The following UMAD1 variants were observed in gnomAD, a reference collection of about 807,000 sequenced individuals.
UMAD1 encodes UBAP1-MVB12-associated (UMA) domain containing 1, also known as UBAP1-MVB12-associated (UMA)-domain containing protein 1.
Under a neutral mutation model 6.1 loss-of-function variants are expected in UMAD1, and 8 were observed. The observed-to-expected ratio is 1.30, with a 90% CI of 0.76 to 2.35. The LOEUF (loss-of-function observed/expected upper bound fraction) is 2.35. Ranked by LOEUF, UMAD1 falls within the 30% of genes most tolerant of loss-of-function variation. UMAD1 has a pLI of 0.00. For synonymous variants in UMAD1, 56 were observed against 31.4 expected, an observed-to-expected ratio of 1.78 and a Z score of -2.61; for missense variants, 130 against 78.4, an observed-to-expected ratio of 1.66 and a Z score of -2.49.
intron 2 of UMAD1, among the ~76,000 whole-genome samples, chr7:7,726,162 A>G (rs1001600502): frequency 6.6e-6 from 1 of 152,178 alleles, no homozygotes; most frequent in East Asian, 1.9e-4. Context: ...ATGTGGATGG[A>G]CCTGTCTGGT....
At chr7:7,780,213 C>G (rs544218385) in intron 2 of UMAD1, among the ~76,000 whole-genome samples, 2 of 152,308 alleles carry the variant, frequency 1.3e-5, no homozygotes, top group Admixed American at 1.3e-4. Context: ...TAACCACCCC[C>G]ATCTCTCTTC....
rs572076023 is a variant in UMAD1, at chr7:7,755,519, T to C, written c.83-46151T>C. Reference sequence around the variant, plus strand: ...TTCTCTTTCACATCTGGTGGCACTTTTTAAAAAATCAGTGTGCAAAAAGGA... The same window carrying C: ...TTCTCTTTCACATCTGGTGGCACTTCTTAAAAAATCAGTGTGCAAAAAGGA... On this transcript the variant is annotated intron_variant, in intron 2 of 3. Coordinates refer to ENST00000682710, the MANE Select transcript of UMAD1 (RefSeq NM_001302348.2). 5.4e-4 allele frequency among the ~76,000 whole-genome samples: 83 copies of C among 152,328 alleles called. 1 individual carries two copies. The South Asian group carries it at 0.017, about 31-fold the overall frequency.
chr7:7,788,041 C>A (rs970116362), intron 2 of UMAD1, among the ~76,000 whole-genome samples: 1 of 152,150 alleles, frequency 6.6e-6, no homozygotes, highest in African/African-American at 2.4e-5. Flanking sequence ...GGGAAACAGC[C>A]GTTTAGTCAG....
intron 3 of UMAD1, among the ~76,000 whole-genome samples, chr7:7,851,414 T>C (rs1054517123): frequency 1.3e-5 from 2 of 152,228 alleles, no homozygotes; most frequent in African/African-American, 4.8e-5. Flanking sequence ...ATTTTTTTGA[T>C]ACATACCTAG....
chr7:7,799,373 A>G (rs1782753026), intron 2 of UMAD1, among the ~76,000 whole-genome samples: 1 of 152,220 alleles, frequency 6.6e-6, no homozygotes, highest in Non-Finnish European at 1.5e-5. Context: ...AATTGCTTCC[A>G]GGCAGATGTG....
intron 2 of UMAD1, among the ~76,000 whole-genome samples, chr7:7,692,703 G>A (rs1780200957): frequency 6.6e-6 from 1 of 152,106 alleles, no homozygotes; most frequent in Admixed American, 6.5e-5. Flanking sequence ...TCCACCTCCT[G>A]GGTTCAAGTG....
intron 2 of UMAD1, among the ~76,000 whole-genome samples, chr7:7,720,448 A>C (rs192206354): frequency 1.3e-5 from 2 of 151,372 alleles, no homozygotes; most frequent in African/African-American, 4.8e-5. Flanking sequence ...CCCCTAACTT[A>C]CTCTCCCCAT....
At chr7:7,645,658 G>A (rs956184106) in intron 1 of UMAD1, among the ~76,000 whole-genome samples, 4 of 152,044 alleles carry the variant, frequency 2.6e-5, no homozygotes, top group African/African-American at 7.3e-5. Context: ...GAATTGTTAC[G>A]GAATTTGATC....
intron 3 of UMAD1, among the ~76,000 whole-genome samples, chr7:7,811,251 C>T (rs1351557288): frequency 6.6e-6 from 1 of 152,060 alleles, no homozygotes; most frequent in East Asian, 1.9e-4. Flanking sequence ...GATTTTTGTT[C>T]ATTCTTTGTT....
intron 2 of UMAD1, among the ~76,000 whole-genome samples, chr7:7,772,972 C>T (rs36005831): frequency 0.25 from 38,676 of 151,934 alleles, 5,851 homozygotes; most frequent in East Asian, 0.38. Context: ...AGGAGAAATA[C>T]TGCTATCATT....
chr7:7,844,661 A>G (rs1783750503), intron 3 of UMAD1, among the ~76,000 whole-genome samples: 1 of 152,164 alleles, frequency 6.6e-6, no homozygotes, highest in Non-Finnish European at 1.5e-5. Flanking sequence ...GTTAGACTGT[A>G]AGAAATAAAG....
rs769008318 is a variant in UMAD1, at chr7:7,879,073, A to G, written c.*1535A>G. The G allele has an allele frequency of 3.9e-5, 6 of 152,142 alleles. No homozygotes were observed. The highest frequency in any genetic ancestry group is 9.7e-5 in the African/African-American group (4 of 41,440). 9.4% of individuals were successfully genotyped at this position (152,142 alleles called of 1,614,324 possible). On this transcript the variant is annotated 3_prime_UTR_variant, in exon 4 of 4. Transcript: ENST00000682710. The stretch of plus-strand genomic sequence containing the variant: ...GTCAGTTTGTCTAATTTTGTGTGAA[A>G]TTTTGTCGAAAATACCTAAACATTT...
chr7:7,824,872 T>G (rs1037109310), intron 3 of UMAD1, among the ~76,000 whole-genome samples: 1 of 152,184 alleles, frequency 6.6e-6, no homozygotes, highest in Non-Finnish European at 1.5e-5. Flanking sequence ...CATCAATTGG[T>G]GAATAGAAAA....
intron 2 of UMAD1, among the ~76,000 whole-genome samples, chr7:7,703,385 A>G (rs1401270043): frequency 6.6e-6 from 1 of 152,202 alleles, no homozygotes; most frequent in African/African-American, 2.4e-5. Context: ...ATTTACCTAT[A>G]GAATTTTTAA....
chr7:7,646,739 A>G (rs1326426367), intron 1 of UMAD1, among the ~76,000 whole-genome samples: 1 of 151,778 alleles, frequency 6.6e-6, no homozygotes, highest in Non-Finnish European at 1.5e-5. Context: ...CCCATGGCCA[A>G]TCTCCTCTCT....
chr7:7,864,509 C>T (rs1026014771), intron 3 of UMAD1, among the ~76,000 whole-genome samples: 1 of 151,684 alleles, frequency 6.6e-6, no homozygotes, highest in African/African-American at 2.4e-5. Flanking sequence ...AACGCAGACA[C>T]GCCAGTTCTT....
intron 1 of UMAD1, chr7:7,641,782 G>C (rs1784979353): frequency 6.6e-6 from 1 of 152,196 alleles, no homozygotes; most frequent in Non-Finnish European, 1.5e-5. Context: ...TTGGCCCAAA[G>C]CTACAGAATT....
At chr7:7,697,516 C>T (rs1343199165) in intron 2 of UMAD1, among the ~76,000 whole-genome samples, 2 of 152,142 alleles carry the variant, frequency 1.3e-5, no homozygotes, top group African/African-American at 4.8e-5. Flanking sequence ...ATTGTGGCTT[C>T]CTTTTGTGGC....
In UMAD1 at chr7:7,643,803, G is replaced by T. The variant is rs1381893384; in HGVS notation, c.-64+2982G>T. Among the ~76,000 whole-genome samples, 3 of 151,352 alleles carry T rather than the reference G, an allele frequency of 2.0e-5. No homozygotes were observed. In the East Asian group the frequency reaches 5.8e-4, roughly 29 times the overall value. ...CTCTTTAACCTTCACATTCCCGCTT[G>T]GGTCTCTAACAAGCACACCTTCCTT... On this transcript the variant is annotated intron_variant, in intron 1 of 3. Coordinates refer to ENST00000682710, the MANE Select transcript of UMAD1 (RefSeq NM_001302348.2).
Sources: gnomAD v4.1 joint callset for allele counts (sites outside exome capture counted in the v4.1 genomes callset) on GRCh38, gnomAD v4.1.1 for gene constraint, MANE v1.5 for transcripts, NCBI Gene and HGNC (gene_info 2026-07-23, HGNC 2026-07-21) for gene names.